The following CACNB2 variants were observed in gnomAD, a reference collection of about 807,000 sequenced individuals.
CACNB2 encodes the protein voltage-dependent L-type calcium channel subunit beta-2.
In CACNB2, 42 loss-of-function variants were observed where a neutral mutation model predicts 73.3. The observed-to-expected ratio is 0.57, with a 90% CI of 0.45 to 0.74. CACNB2 has a LOEUF of 0.74. Ranked by LOEUF, CACNB2 falls within the 30% of genes least tolerant of loss-of-function variation. The pLI is 0.00. For synonymous variants in CACNB2, 348 were observed against 310.3 expected, an observed-to-expected ratio of 1.12 and a Z score of -1.28; for missense variants, 940 against 853.0, an observed-to-expected ratio of 1.10 and a Z score of -1.27.
chr10:18,528,159 A>G (rs2052662089), intron 10 of CACNB2, among the ~76,000 whole-genome samples: 1 of 152,242 alleles, frequency 6.6e-6, no homozygotes, highest in South Asian at 2.1e-4. Flanking sequence ...TTATATATCA[A>G]TAATGAAATC....
At position 18,300,804 on chromosome 10, in the gene CACNB2, G is replaced by A. The variant is rs185306038; in HGVS notation, c.214-101120G>A. The stretch of plus-strand genomic sequence containing the variant: ...GCAGAGATTGCAGTGAACTGAGATC[G>A]TGCCACTGCACTCCAGCCTGGGTAA... On this transcript the variant is annotated intron_variant, in intron 2 of 13. Transcript: ENST00000324631. 1.5e-3 allele frequency among the ~76,000 whole-genome samples: 221 copies of A among 152,166 alleles called. 3 individuals are homozygous for A. Among genetic ancestry groups the A allele is most frequent in the African/African-American group, 5.0e-3 (206 of 41,512 alleles).
chr10:18,272,520 G>T (rs764236027), intron 2 of CACNB2, among the ~76,000 whole-genome samples: 1 of 152,142 alleles, frequency 6.6e-6, no homozygotes, highest in Admixed American at 6.5e-5. Context: ...ATATGGTTTG[G>T]CTCTGTGTTC....
At chr10:18,343,728 G>A (rs1398503251) in intron 2 of CACNB2, among the ~76,000 whole-genome samples, 3 of 152,138 alleles carry the variant, frequency 2.0e-5, no homozygotes, top group African/African-American at 4.8e-5. Flanking sequence ...TTGCATATTG[G>A]AGGACAGGGA....
At chr10:18,380,495 C>A (rs1465017233) in intron 2 of CACNB2, among the ~76,000 whole-genome samples, 1 of 132,674 alleles carries the variant, frequency 7.5e-6, no homozygotes, top group Non-Finnish European at 1.5e-5. Flanking sequence ...CGCTCTGTTG[C>A]CCAGGCTGGA....
intron 2 of CACNB2, among the ~76,000 whole-genome samples, chr10:18,266,700 A>T (rs2037818644): frequency 6.6e-6 from 1 of 152,018 alleles, no homozygotes; most frequent in South Asian, 2.1e-4. Flanking sequence ...ACCAGCCTGG[A>T]CAACAGGGTG....
chr10:18,251,991 C>G (rs1187899643), intron 2 of CACNB2, among the ~76,000 whole-genome samples: 2 of 152,264 alleles, frequency 1.3e-5, no homozygotes, highest in East Asian at 3.9e-4. Context: ...TAATAGTCTT[C>G]TTCATAATTG....
At chr10:18,508,099 T>C (rs1225495973) in intron 6 of CACNB2, among the ~76,000 whole-genome samples, 3 of 152,166 alleles carry the variant, frequency 2.0e-5, no homozygotes, top group African/African-American at 4.8e-5. Flanking sequence ...ATACTGATCA[T>C]GGGCTTTTTT....
At chr10:18,243,494 C>T (rs1456158136) in intron 2 of CACNB2, among the ~76,000 whole-genome samples, 2 of 152,080 alleles carry the variant, frequency 1.3e-5, no homozygotes, top group African/African-American at 4.8e-5. Context: ...GGATGTAGTT[C>T]GTGCCTCCCA....
intron 2 of CACNB2, among the ~76,000 whole-genome samples, chr10:18,166,049 A>G (rs1439463867): frequency 2.6e-5 from 4 of 152,184 alleles, no homozygotes; most frequent in Non-Finnish European, 5.9e-5. Context: ...CGTAATATAT[A>G]TGACTGTATA....
In CACNB2 at chr10:18,156,132, G is replaced by A. The variant is rs564836989; in HGVS notation, c.213+5157G>A. Among the ~76,000 whole-genome samples, 96 of 152,218 alleles carry A rather than the reference G, an allele frequency of 6.3e-4. 1 individual carries two copies. Among genetic ancestry groups the A allele is most frequent in the African/African-American group, 2.3e-3 (94 of 41,546 alleles). On this transcript the variant is annotated intron_variant, in intron 2 of 13. Transcript: ENST00000324631. Reference sequence around the variant, plus strand: ...AGGCTACAAAGTAAAAGGGTAAAAAGCATTTACCAGTGGTTTTATCTTTCC... The same window carrying A: ...AGGCTACAAAGTAAAAGGGTAAAAAACATTTACCAGTGGTTTTATCTTTCC...
intron 3 of CACNB2, among the ~76,000 whole-genome samples, chr10:18,478,697 A>C (rs1286117276): frequency 6.6e-6 from 1 of 152,238 alleles, no homozygotes; most frequent in Admixed American, 6.5e-5. Flanking sequence ...CAAACAAGTT[A>C]TGGGAGTAGG....
intron 1 of CACNB2, among the ~76,000 whole-genome samples, chr10:18,141,901 C>A (rs942845977): frequency 1.3e-5 from 2 of 152,128 alleles, no homozygotes; most frequent in Middle Eastern, 3.2e-3. Context: ...TGATTTCAAG[C>A]CTACATTTGC....
chr10:18,438,089 T>C (rs79112655), intron 3 of CACNB2, among the ~76,000 whole-genome samples: 19,306 of 138,844 alleles, frequency 0.14, 1,651 homozygotes, highest in East Asian at 0.27. Context: ...GCTATCTCGG[T>C]TTACTGCAAG....
At chr10:18,323,801 T>C (rs905595082) in intron 2 of CACNB2, among the ~76,000 whole-genome samples, 3 of 152,230 alleles carry the variant, frequency 2.0e-5, no homozygotes. Context: ...TAATAGATTT[T>C]CCTATTTTCT....
At chr10:18,205,835 G>A (rs1434480720) in intron 2 of CACNB2, among the ~76,000 whole-genome samples, 1 of 152,146 alleles carries the variant, frequency 6.6e-6, no homozygotes, top group Non-Finnish European at 1.5e-5. Flanking sequence ...GAGGCAAAGA[G>A]TTTCTACAAC....
chr10:18,333,557 A>G (rs2040885620), intron 2 of CACNB2, among the ~76,000 whole-genome samples: 1 of 151,978 alleles, frequency 6.6e-6, no homozygotes, highest in South Asian at 2.1e-4. Flanking sequence ...ATTGTTTCCT[A>G]CTTTTATTTT....
intron 4 of CACNB2, among the ~76,000 whole-genome samples, chr10:18,499,637 A>AAG (rs71402177): frequency 0.17 from 15,861 of 92,240 alleles, 2,558 homozygotes; most frequent in Non-Finnish European, 0.19. Context: ...AAAAAAAAAA[A>AAG]AAGAACCTAG....
chr10:18,253,614 C>T (rs1339946937), intron 2 of CACNB2, among the ~76,000 whole-genome samples: 1 of 152,106 alleles, frequency 6.6e-6, no homozygotes, highest in East Asian at 1.9e-4. Flanking sequence ...TTTCTTAGAT[C>T]TACAATGAAT....
intron 2 of CACNB2, among the ~76,000 whole-genome samples, chr10:18,209,493 G>A (rs2035231304): frequency 6.6e-6 from 1 of 152,116 alleles, no homozygotes; most frequent in South Asian, 2.1e-4. Flanking sequence ...TCTACAACTT[G>A]ATACTTATAT....
Sources: gnomAD v4.1 joint callset for allele counts (sites outside exome capture counted in the v4.1 genomes callset) on GRCh38, gnomAD v4.1.1 for gene constraint, MANE v1.5 for transcripts, NCBI Gene and HGNC (gene_info 2026-07-23, HGNC 2026-07-21) for gene names.